The following MACF1 variants were observed in gnomAD, a reference collection of about 807,000 sequenced individuals.
MACF1 encodes microtubule-actin cross-linking factor 1.
A neutral mutation model predicts 854.8 loss-of-function variants in MACF1; 193 were observed. The observed-to-expected ratio is 0.23, with a 90% CI of 0.20 to 0.25. The LOEUF is 0.25. Among genes scored for constraint, MACF1 ranks in the 10% least tolerant of loss-of-function variants. MACF1 has a pLI of 1.00. For synonymous variants in MACF1, 3,185 were observed against 3,226.7 expected, an observed-to-expected ratio of 0.99 and a Z score of 0.44; for missense variants, 7,722 against 8,929.1, an observed-to-expected ratio of 0.86 and a Z score of 5.45.
In MACF1 at chr1:39,329,192, G is replaced by T. The variant is rs1571343478; in HGVS notation, c.4614+1839G>T. Among the ~76,000 whole-genome samples the T allele has an allele frequency of 2.6e-5, 4 of 152,152 alleles. No individual in the cohort carries two copies. The East Asian group carries it at 7.7e-4, about 29-fold the overall frequency. ...CTTGGTCAGAAAACATGGGGATAGG[G>T]AATAAATAATACTTTAAATAGTGTA... On this transcript the variant is annotated intron_variant, in intron 36 of 100. Coordinates refer to ENST00000564288, the MANE Select transcript of MACF1 (RefSeq NM_001394062.1).
chr1:39,117,138 A>C (rs939141644), intron 2 of MACF1, among the ~76,000 whole-genome samples: 1 of 152,132 alleles, frequency 6.6e-6, no homozygotes, highest in African/African-American at 2.4e-5. Flanking sequence ...GTTCAATATA[A>C]CCACCACCTT....
At chr1:39,217,510 A>G (rs1422038683) in intron 1 of MACF1, among the ~76,000 whole-genome samples, 1 of 151,876 alleles carries the variant, frequency 6.6e-6, no homozygotes, top group Non-Finnish European at 1.5e-5. Flanking sequence ...CCTGACCTCA[A>G]GTGATCCCTC....
intron 2 of MACF1, among the ~76,000 whole-genome samples, chr1:39,117,460 T>C (rs1209974544): frequency 6.6e-6 from 1 of 152,054 alleles, no homozygotes; most frequent in African/African-American, 2.4e-5. Context: ...CTCCACTAAT[T>C]TGGAGAATCT....
intron 58 of MACF1, chr1:39,411,290 C>G: frequency 6.2e-7 from 1 of 1,613,998 alleles, no homozygotes. Flanking sequence ...GAGAAACTGT[C>G]AGACAGGGAA....
intron 1 of MACF1, among the ~76,000 whole-genome samples, chr1:39,210,184 G>A (rs1644499253): frequency 6.6e-6 from 1 of 151,952 alleles, no homozygotes; most frequent in Admixed American, 6.6e-5. Context: ...ATTTCTTTGA[G>A]CTTTAATTCT....
At chr1:39,406,738 CA>C (rs5773658) in intron 58 of MACF1, among the ~76,000 whole-genome samples, 512 of 31,802 alleles carry the variant, frequency 0.016, 4 homozygotes, top group East Asian at 0.033. Flanking sequence ...GAGTCTCACT[CA>C]AAAAAAAAAA....
intron 2 of MACF1, among the ~76,000 whole-genome samples, chr1:39,151,538 C>A (rs958975356): frequency 5.9e-5 from 9 of 152,118 alleles, no homozygotes; most frequent in African/African-American, 2.2e-4. Context: ...TACATTCTAG[C>A]CATATTAAAT....
intron 88 of MACF1, 147 bp downstream of exon 88, chr1:39,453,997 T>G: frequency 9.9e-7 from 1 of 1,010,522 alleles, no homozygotes; most frequent in Admixed American, 2.5e-5. Context: ...AAAGACTGTT[T>G]TCTTGGTAAT....
intron 95 of MACF1, 22 bp downstream of exon 95, chr1:39,465,134 TCTC>T: frequency 6.2e-7 from 1 of 1,609,872 alleles, no homozygotes; most frequent in South Asian, 1.1e-5. Context: ...CTTGCAATGT[TCTC>T]CTTCTCAATG....
In MACF1 at chr1:39,485,351, C is replaced by T. The variant is rs143239274; in HGVS notation, c.22412-187C>T. 1.6e-4 allele frequency: 100 copies of T among 642,908 alleles called. No homozygotes were observed. In the African/African-American group the frequency reaches 1.7e-3, roughly 11 times the overall value. The allele number at this position is 642,908 out of a possible 1,614,324, so 39.8% of individuals were successfully genotyped here. ...TGGCTTTCTAATCCCCAGGAGGCAG[C>T]TTCTCAAGTAGAATCACAAAGCCAG... On this transcript the variant is annotated intron_variant, in intron 100 of 100. Coordinates refer to ENST00000564288, the MANE Select transcript of MACF1 (RefSeq NM_001394062.1).
intron 63 of MACF1, 37 bp from the exon 64 acceptor site, chr1:39,429,205 C>CCACAGTTT (rs1260704834): frequency 9.4e-7 from 1 of 1,068,398 alleles, no homozygotes. Flanking sequence ...ATTTGTAGTG[C>CCACAGTTT]CACAGTTTCA....
chr1:39,453,804 C>T lies in MACF1; in HGVS notation c.20840C>T (p.Thr6947Ile), dbSNP rs1259739722. 1.2e-6 allele frequency: 2 copies of T among 1,614,228 alleles called. No individual in the cohort carries two copies. Among genetic ancestry groups the T allele is most frequent in the Non-Finnish European group, 1.7e-6 (2 of 1,180,040 alleles). The change falls in exon 88 of 101, where the codon ACA becomes ATA. Residue 6947 changes from threonine (T) to isoleucine (I), a missense_variant. By Grantham distance (89) the Thr-to-Ile change is moderately conservative. Coordinates refer to ENST00000564288, the MANE Select transcript of MACF1 (RefSeq NM_001394062.1). ...ILAVCHPDCI[T>I]TIKHWITIIR... is the part of the protein sequence containing the mutation. ...GCTGTCTGCCACCCCGATTGCATCA[C>T]AACCATCAAACACTGGATCACCATC...
chr1:39,341,035 C>CTTT (rs1172169515), intron 40 of MACF1, 82 bp downstream of exon 40: 220 of 924,126 alleles, frequency 2.4e-4, no homozygotes, highest in African/African-American at 4.7e-4. Context: ...CCATATTTAT[C>CTTT]TTTTTTTTTT....
At chr1:39,407,178 C>G (rs1642747822) in intron 58 of MACF1, among the ~76,000 whole-genome samples, 1 of 152,218 alleles carries the variant, frequency 6.6e-6, no homozygotes. Flanking sequence ...TTAGGGGACA[C>G]TCTATTCTTT....
chr1:39,347,856 A>G (rs1423091405), intron 41 of MACF1, among the ~76,000 whole-genome samples: 3 of 152,170 alleles, frequency 2.0e-5, no homozygotes, highest in Admixed American at 1.3e-4. Flanking sequence ...CAAACAAACA[A>G]ACAAACAAAA....
chr1:39,118,193 C>A lies in MACF1; in HGVS notation c.220+33755C>A, dbSNP rs568346541. 2.6e-5 allele frequency among the ~76,000 whole-genome samples: 4 copies of A among 152,338 alleles called. No homozygotes were observed. In the East Asian group the frequency reaches 7.7e-4, roughly 29 times the overall value. ...GTAACTTGAGAAAATTTATTCCAGA[C>A]CTACTACAAACATTCGTGTGCTCAC... On this transcript the variant is annotated intron_variant, in intron 2 of 93. Transcript: ENST00000361689.
intron 94 of MACF1, 136 bp from the exon 95 acceptor site, chr1:39,464,958 TA>T: frequency 1.3e-6 from 1 of 784,580 alleles, no homozygotes; most frequent in Non-Finnish European, 2.2e-6. Flanking sequence ...AGGAGCTTGG[TA>T]AGAATATGTT....
intron 15 of MACF1, among the ~76,000 whole-genome samples, chr1:39,290,597 GT>G (rs71060306): frequency 0.33 from 39,304 of 117,982 alleles, 6,236 homozygotes; most frequent in East Asian, 0.52. Context: ...GGGTAAATCT[GT>G]TTTTTTTTTT....
Position 39,427,457 on chromosome 1 carries a change from A to C in MACF1, c.16319A>C (p.Gln5440Pro). 6.2e-7 allele frequency: 1 copy of C among 1,613,512 alleles called. No homozygotes were observed. Among genetic ancestry groups the C allele is most frequent in the Non-Finnish European group, 8.5e-7 (1 of 1,179,686 alleles). Residue 5440 changes from glutamine to proline, a missense_variant and splice_region_variant, in exon 62 of 101, where the codon CAA (glutamine) becomes CCA (proline). Transcript: ENST00000564288. ...GCTTGTTCTATATATTTGTGTAGGC[A>C]AAAACAGCTGGAAGACATCCTGGTT... Reference protein sequence around the residue: ...TELLSKAAARQKQLEDILVLA... With the variant: ...TELLSKAAARPKQLEDILVLA...
Sources: allele counts gnomAD v4.1 joint callset (sites outside exome capture counted in the v4.1 genomes callset), GRCh38; gene constraint gnomAD v4.1.1; transcripts MANE v1.5; gene names NCBI Gene and HGNC (gene_info 2026-07-23, HGNC 2026-07-21).